The following CCSER1 variants were observed in gnomAD, a reference collection of about 807,000 sequenced individuals.
CCSER1 encodes the protein serine-rich coiled-coil domain-containing protein 1.
A neutral mutation model predicts 82.0 loss-of-function variants in CCSER1; 41 were observed. The ratio of observed to expected loss-of-function variants is 0.50; its 90% CI spans 0.39 to 0.65. The LOEUF is 0.65. Ranked by LOEUF, CCSER1 falls within the 30% of genes least tolerant of loss-of-function variation. The pLI, the probability that CCSER1 is intolerant of heterozygous loss-of-function variation, is 0.00. For missense variants in CCSER1, 1,119 were observed against 1,064.2 expected, an observed-to-expected ratio of 1.05 and a Z score of -0.72; for synonymous variants, 414 against 383.9, an observed-to-expected ratio of 1.08 and a Z score of -0.92.
intron 9 of CCSER1, among the ~76,000 whole-genome samples, chr4:91,004,052 T>C (rs1738284414): frequency 2.6e-5 from 4 of 152,226 alleles, no homozygotes; most frequent in Admixed American, 2.6e-4. Context: ...TTCCACAGTT[T>C]GGGCACCCAC....
At chr4:91,059,365 G>GTGTA (rs1743759157) in intron 9 of CCSER1, among the ~76,000 whole-genome samples, 1 of 85,052 alleles carries the variant, frequency 1.2e-5, no homozygotes, top group African/African-American at 4.4e-5. Context: ...GTGTGTATGT[G>GTGTA]TGTGTGTGCG....
intron 9 of CCSER1, among the ~76,000 whole-genome samples, chr4:91,074,390 G>T (rs576335812): frequency 6.6e-6 from 1 of 152,166 alleles, no homozygotes; most frequent in Non-Finnish European, 1.5e-5. Flanking sequence ...AACATCTTAT[G>T]CCACTAACAT....
At chr4:91,575,108 AT>A (rs1463901960) in intron 10 of CCSER1, among the ~76,000 whole-genome samples, 3 of 152,022 alleles carry the variant, frequency 2.0e-5, no homozygotes, top group Non-Finnish European at 4.4e-5. Flanking sequence ...AGAATACACA[AT>A]GAGGAAAGGA....
intron 8 of CCSER1, among the ~76,000 whole-genome samples, chr4:90,881,125 A>G (rs997296005): frequency 4.6e-5 from 7 of 152,172 alleles, no homozygotes; most frequent in Non-Finnish European, 7.3e-5. Context: ...AATTTTTAAA[A>G]AGAAAAAGAA....
intron 10 of CCSER1, among the ~76,000 whole-genome samples, chr4:91,369,810 G>C (rs557217152): frequency 6.6e-6 from 1 of 150,486 alleles, no homozygotes; most frequent in Non-Finnish European, 1.5e-5. Flanking sequence ...CTGGGACTTT[G>C]GGAGCACGCC....
At chr4:91,177,834 T>C (rs1032239324) in intron 10 of CCSER1, among the ~76,000 whole-genome samples, 6 of 152,346 alleles carry the variant, frequency 3.9e-5, no homozygotes, top group Admixed American at 1.3e-4. Context: ...GCTCTGATGT[T>C]ATTTCTTGCC....
intron 8 of CCSER1, among the ~76,000 whole-genome samples, chr4:90,893,290 G>A (rs758687951): frequency 3.9e-5 from 6 of 152,150 alleles, no homozygotes; most frequent in Non-Finnish European, 5.9e-5. Flanking sequence ...TAAATCCTTT[G>A]GGAAGAGAAT....
chr4:91,087,924 G>A (rs1723547437), intron 10 of CCSER1, among the ~76,000 whole-genome samples: 1 of 152,078 alleles, frequency 6.6e-6, no homozygotes, highest in African/African-American at 2.4e-5. Flanking sequence ...AAGACAATTA[G>A]GTGAAGTATG....
chr4:90,827,868 AC>A (rs1159215303), intron 8 of CCSER1, among the ~76,000 whole-genome samples: 1 of 152,120 alleles, frequency 6.6e-6, no homozygotes, highest in Non-Finnish European at 1.5e-5. Flanking sequence ...ACAACTGAAT[AC>A]CCTAAAACCA....
intron 7 of CCSER1, among the ~76,000 whole-genome samples, chr4:90,789,007 TACAC>T (rs57954085): frequency 9.4e-5 from 14 of 149,390 alleles, no homozygotes; most frequent in Non-Finnish European, 1.3e-4. Flanking sequence ...ATCTAACACA[TACAC>T]ACACACACAC....
intron 9 of CCSER1, among the ~76,000 whole-genome samples, chr4:91,049,080 A>G (rs1007453464): frequency 3.3e-5 from 5 of 152,166 alleles, no homozygotes; most frequent in Admixed American, 1.3e-4. Flanking sequence ...CATGAACACC[A>G]TAATTGTTTT....
intron 10 of CCSER1, among the ~76,000 whole-genome samples, chr4:91,576,177 A>T (rs1000351105): frequency 5.3e-5 from 8 of 152,026 alleles, no homozygotes; most frequent in Non-Finnish European, 1.0e-4. Context: ...TCTGTCAATT[A>T]TCTATGTCTA....
intron 10 of CCSER1, among the ~76,000 whole-genome samples, chr4:91,174,845 T>A (rs1056877965): frequency 6.6e-6 from 1 of 151,502 alleles, no homozygotes; most frequent in Admixed American, 6.6e-5. Flanking sequence ...TATTATACTT[T>A]AATTTCTAGG....
rs972236086 is a variant in CCSER1, at chr4:91,452,158, T to C, written c.2218-146414T>C. On this transcript the variant is annotated intron_variant, in intron 10 of 10. Coordinates refer to ENST00000509176, the MANE Select transcript of CCSER1 (RefSeq NM_001145065.2). Reference sequence around the variant, plus strand: ...TCTCAGAAATGATAATCCATAGTCATAGGGCAAAATTGACACACAGACATC... The same window carrying C: ...TCTCAGAAATGATAATCCATAGTCACAGGGCAAAATTGACACACAGACATC... 5.9e-5 allele frequency among the ~76,000 whole-genome samples: 9 copies of C among 152,078 alleles called. No homozygotes were observed. In the East Asian group the frequency reaches 1.4e-3, roughly 23 times the overall value.
chr4:91,173,482 T>C (rs1331498891), intron 10 of CCSER1, among the ~76,000 whole-genome samples: 4 of 151,422 alleles, frequency 2.6e-5, no homozygotes, highest in Admixed American at 1.3e-4. Context: ...TAGCCCCAGC[T>C]ACTCAGGAGG....
rs545887492 is a variant in CCSER1 at position 90,408,016 on chromosome 4, T to A, written c.1603+7887T>A. Among the ~76,000 whole-genome samples, 4 of 152,204 alleles carry A rather than the reference T, an allele frequency of 2.6e-5. No homozygotes were observed. The South Asian group carries it at 8.3e-4, about 32-fold the overall frequency. ...CGCGCATGGCTCAGAGGGTCCTACG[T>A]CCACGGAGCCTCACTCATTGCTAGC... On this transcript the variant is annotated intron_variant, in intron 4 of 10. Coordinates refer to ENST00000509176, the MANE Select transcript of CCSER1 (RefSeq NM_001145065.2).
chr4:90,313,223 A>G (rs555350253), intron 3 of CCSER1, 176 bp downstream of exon 3: 3 of 595,128 alleles, frequency 5.0e-6, no homozygotes, highest in South Asian at 2.1e-5. Flanking sequence ...CTAGGTCAGG[A>G]TGGAGTTCAC....
chr4:91,164,473 G>C (rs1467810068), intron 10 of CCSER1, among the ~76,000 whole-genome samples: 1 of 152,060 alleles, frequency 6.6e-6, no homozygotes, highest in Non-Finnish European at 1.5e-5. Context: ...TTGAATGTTG[G>C]CCTACCTTGC....
At chr4:90,435,892 T>C (rs1404804010) in intron 4 of CCSER1, among the ~76,000 whole-genome samples, 3 of 152,038 alleles carry the variant, frequency 2.0e-5, no homozygotes, top group African/African-American at 4.8e-5. Context: ...AATCTATATA[T>C]GTTAGATATT....
Sources: gnomAD v4.1 joint callset for allele counts (sites outside exome capture counted in the v4.1 genomes callset) on GRCh38, gnomAD v4.1.1 for gene constraint, MANE v1.5 for transcripts, NCBI Gene and HGNC (gene_info 2026-07-23, HGNC 2026-07-21) for gene names.